Variants in BRD1 observed in about 807,000 individuals in gnomAD.
The protein encoded by BRD1 is bromodomain containing 1.
In BRD1, 24 loss-of-function variants were observed where a neutral mutation model predicts 107.7. That is an observed-to-expected ratio of 0.22 (90% CI 0.16 to 0.31). The LOEUF is 0.31. BRD1 is among the 10% of genes least tolerant of loss of function. The probability of loss-of-function intolerance (pLI) is 1.00; values close to 1 mark genes in which losing one functional copy is unlikely to be tolerated. For missense variants in BRD1, 1,279 were observed against 1,638.6 expected, an observed-to-expected ratio of 0.78 and a Z score of 3.79; for synonymous variants, 744 against 686.1, an observed-to-expected ratio of 1.08 and a Z score of -1.32.
At chr22:49,814,833 C>A (rs1450628219) in intron 2 of BRD1, among the ~76,000 whole-genome samples, 1 of 152,164 alleles carries the variant, frequency 6.6e-6, no homozygotes, top group Non-Finnish European at 1.5e-5. Context: ...AATTTTCAAC[C>A]CCACTTCTAC....
chr22:49,813,926 T>C (rs551282974), intron 2 of BRD1, among the ~76,000 whole-genome samples: 23 of 152,118 alleles, frequency 1.5e-4, no homozygotes, highest in African/African-American at 5.1e-4. Context: ...AGACCCAGCA[T>C]GCACATGCCA....
intron 2 of BRD1, among the ~76,000 whole-genome samples, chr22:49,821,929 C>T (rs1387780439): frequency 1.3e-5 from 2 of 152,260 alleles, no homozygotes; most frequent in African/African-American, 4.8e-5. Context: ...AGCTCCTCCC[C>T]TTGTTTGGCC....
intron 8 of BRD1, 91 bp downstream of exon 8, chr22:49,787,299 A>AAC (rs2059344927): frequency 9.0e-5 from 49 of 546,710 alleles, no homozygotes; most frequent in Admixed American, 3.9e-4. Flanking sequence ...GAAGCTGGAC[A>AAC]CCCCCCCCCC....
At chr22:49,777,949 C>T (rs1184487641) in intron 8 of BRD1, 136 bp from the exon 9 acceptor site, 1 of 1,251,538 alleles carries the variant, frequency 8.0e-7, no homozygotes, top group East Asian at 2.6e-5. Flanking sequence ...CCTTTTCACT[C>T]CCAAGTTCCC....
chr22:49,777,066 C>G lies in BRD1; in HGVS notation c.3089G>C (p.Gly1030Ala). 6.2e-7 allele frequency: 1 copy of G among 1,613,292 alleles called. No homozygotes were observed. Residue 1030 changes from glycine (G) to alanine (A), a missense_variant, in exon 10 of 13, where the codon GGG (glycine) becomes GCG (alanine). Transcript: ENST00000404760. ...RSELISCIENGNYAKAARIAA... is the reference protein window; with the variant it reads ...RSELISCIENANYAKAARIAA... ...GATCCTGGCCGCCTTGGCGTAGTTC[C>G]CATTCTCGATGCAGGAGATCAGCTC...
chr22:49,807,944 C>T (rs2059775505), intron 2 of BRD1, among the ~76,000 whole-genome samples: 1 of 151,982 alleles, frequency 6.6e-6, no homozygotes, highest in Non-Finnish European at 1.5e-5. Context: ...TGCAAATGCT[C>T]AATAAACACA....
intron 2 of BRD1, among the ~76,000 whole-genome samples, chr22:49,809,706 T>C (rs1231382502): frequency 6.6e-6 from 1 of 151,652 alleles, no homozygotes; most frequent in Non-Finnish European, 1.5e-5. Context: ...ATGACTGGAG[T>C]GAAGAGGGCT....
chr22:49,789,535 G>C (rs898524987), intron 7 of BRD1, among the ~76,000 whole-genome samples: 1 of 139,394 alleles, frequency 7.2e-6, no homozygotes, highest in Non-Finnish European at 1.5e-5. Flanking sequence ...ACATTCAACT[G>C]CTCACTGCAA....
chr22:49,797,079 G>A (rs1031420843), intron 6 of BRD1, among the ~76,000 whole-genome samples: 1 of 152,364 alleles, frequency 6.6e-6, no homozygotes, highest in South Asian at 2.1e-4. Context: ...ATGTGGGCAG[G>A]ACACACCCTT....
chr22:49,816,319 G>A (rs952189967), intron 2 of BRD1, among the ~76,000 whole-genome samples: 2 of 151,978 alleles, frequency 1.3e-5, no homozygotes, highest in Admixed American at 1.3e-4. Context: ...CTCCTGCCTG[G>A]GCAACAGAGC....
intron 12 of BRD1, chr22:49,775,292 G>A (rs1048601282): frequency 5.1e-5 from 11 of 213,958 alleles, no homozygotes; most frequent in African/African-American, 6.9e-5. Context: ...ACACTGGAGC[G>A]GACACATGGG....
At chr22:49,807,910 C>T (rs1388109466) in intron 2 of BRD1, among the ~76,000 whole-genome samples, 1 of 152,112 alleles carries the variant, frequency 6.6e-6, no homozygotes, top group East Asian at 1.9e-4. Context: ...GGTTAAAATA[C>T]TCAAATAGAC....
chr22:49,776,674 G>C (rs541698586), intron 10 of BRD1, among the ~76,000 whole-genome samples: 1 of 152,210 alleles, frequency 6.6e-6, no homozygotes, highest in Non-Finnish European at 1.5e-5. Context: ...TCCCCCAGGG[G>C]CCTGAAGTTG....
chr22:49,809,578 G>C (rs2059811749), intron 2 of BRD1, among the ~76,000 whole-genome samples: 1 of 151,660 alleles, frequency 6.6e-6, no homozygotes, highest in Admixed American at 6.6e-5. Context: ...TGTAATTCCA[G>C]TTTTAAAATA....
intron 7 of BRD1, among the ~76,000 whole-genome samples, chr22:49,793,278 G>A (rs57558518): frequency 0.084 from 12,734 of 152,210 alleles, 638 homozygotes; most frequent in South Asian, 0.16. Context: ...TCCTCACCCT[G>A]CCAACCTAGA....
intron 1 of BRD1, among the ~76,000 whole-genome samples, 160 bp downstream of exon 1, chr22:49,827,337 C>A (rs2060157277): frequency 6.7e-6 from 1 of 150,216 alleles, no homozygotes; most frequent in African/African-American, 2.4e-5. Flanking sequence ...GCATCCCGGG[C>A]TCCCGGCCCG....
In BRD1 at chr22:49,783,295, G is replaced by A. The variant is rs749709188; in HGVS notation, c.2857+4095C>T. On this transcript the variant is annotated intron_variant, in intron 8 of 12. Transcript: ENST00000404760. This position sits in a 1 kb window ranked among gnomAD's most constrained non-coding sequence, Gnocchi z 4.2. ...CGTGGTGACCAGCAAGAGACAAACA[G>A]CAGCACTGCTCAAGAATCCACTGGG... 6.6e-6 allele frequency among the ~76,000 whole-genome samples: 1 copy of A among 152,258 alleles called. No individual in the cohort carries two copies. Among genetic ancestry groups the A allele is most frequent in the Non-Finnish European group, 1.5e-5 (1 of 68,042 alleles).
Position 49,783,573 on chromosome 22 carries a change from C to T in BRD1, c.2857+3817G>A, listed in dbSNP as rs1257126102. Reference sequence around the variant, plus strand: ...ACATGCTCAGGACAGCCTCAGAATGCTGTCCACTGTGTCGTCAGCTGCAGC... The same window carrying T: ...ACATGCTCAGGACAGCCTCAGAATGTTGTCCACTGTGTCGTCAGCTGCAGC... On this transcript the variant is annotated intron_variant, in intron 8 of 12. Coordinates refer to ENST00000404760, the MANE Select transcript of BRD1 (RefSeq NM_001304808.3). This position sits in a 1 kb window ranked among gnomAD's most constrained non-coding sequence, Gnocchi z 4.2. Among the ~76,000 whole-genome samples the T allele has an allele frequency of 6.6e-6, 1 of 152,242 alleles. No individual in the cohort carries two copies. Among genetic ancestry groups the T allele is most frequent in the African/African-American group, 2.4e-5 (1 of 41,454 alleles).
intron 8 of BRD1, among the ~76,000 whole-genome samples, chr22:49,784,378 G>A (rs900485328): frequency 6.6e-5 from 10 of 152,198 alleles, no homozygotes; most frequent in Admixed American, 4.6e-4. Context: ...TCTCCGCAAC[G>A]GCGGCGAGTG....
Sources: allele counts gnomAD v4.1 joint callset (sites outside exome capture counted in the v4.1 genomes callset), GRCh38; gene constraint gnomAD v4.1.1; non-coding constraint Gnocchi (gnomAD v3.1); transcripts MANE v1.5; gene names NCBI Gene and HGNC (gene_info 2026-07-23, HGNC 2026-07-21).